Variants in LTV1 observed in about 807,000 individuals in gnomAD.
LTV1 encodes protein LTV1 homolog.
LTV1 carries 39 observed loss-of-function variants against 59.9 expected under a neutral mutation model. That is an observed-to-expected ratio of 0.65 (90% CI 0.50 to 0.85). The LOEUF (loss-of-function observed/expected upper bound fraction) is 0.85. LTV1 is among the 40% of genes least tolerant of loss of function. LTV1 has a pLI of 0.00. For synonymous variants in LTV1, 171 were observed against 189.5 expected, an observed-to-expected ratio of 0.90 and a Z score of 0.80; for missense variants, 493 against 549.1, an observed-to-expected ratio of 0.90 and a Z score of 1.02.
At chr6:143,860,357 A>ATT (rs1297069493) in intron 6 of LTV1, 69 bp from the exon 7 acceptor site, 2 of 1,434,962 alleles carry the variant, frequency 1.4e-6, no homozygotes, top group African/African-American at 2.9e-5. Context: ...ATGTAAAAAA[A>ATT]TTTTTAAGTG....
chr6:143,857,711 T>G lies in LTV1; in HGVS notation c.540-41T>G. The G allele has an allele frequency of 1.2e-6, 2 of 1,608,186 alleles. No homozygotes were observed. The highest frequency in any genetic ancestry group is 1.7e-6 in the Non-Finnish European group (2 of 1,175,486). ...GTAAAGTGGTTTTGTTCTGTTACTT[T>G]TTAAGTTGTTTTGGTAGGTAATTTA... On this transcript the variant is annotated intron_variant, in intron 5 of 10. Coordinates refer to ENST00000367576, the MANE Select transcript of LTV1 (RefSeq NM_032860.5). The surrounding 1 kb of genome is among the most constrained non-coding windows in gnomAD (Gnocchi z 5.2).
At chr6:143,843,609 C>G (rs749764152) in intron 1 of LTV1, 129 bp downstream of exon 1, 53 of 1,223,782 alleles carry the variant, frequency 4.3e-5, no homozygotes, top group Non-Finnish European at 5.8e-5. Context: ...GGCACGGTAC[C>G]CCGAAATGGG....
At position 143,850,228 on chromosome 6, in the gene LTV1, A is replaced by G; in HGVS notation, c.397+10A>G. 1 of 1,602,782 alleles carries G rather than the reference A, an allele frequency of 6.2e-7. No individual in the cohort carries two copies. The highest frequency in any genetic ancestry group is 8.5e-7 in the Non-Finnish European group (1 of 1,170,758). On this transcript the variant is annotated intron_variant, in intron 4 of 10. Coordinates refer to ENST00000367576, the MANE Select transcript of LTV1 (RefSeq NM_032860.5). ...GCAGCTCCAGTTTCAGGTATTTTTA[A>G]TTGCTTTATCTTTTCATATGGATAA... is the stretch of plus-strand genomic sequence containing the variant.
In LTV1 at chr6:143,862,110, A is replaced by G; in HGVS notation, c.930A>G (p.Val310=). The change falls in exon 8 of 11, where the codon GTA becomes GTG. Residue 310 remains valine, a synonymous_variant. Transcript: ENST00000367576. The surrounding 1 kb of genome is among the most constrained non-coding windows in gnomAD (Gnocchi z 4.2). ...TTAAAAACTCGTCTAAAAGTTGTGT[A>G]AAATTGAATACCCTTGAACCCTTGG... ...DYYKEKAENC[V]KLNTLEPLED... is the part of the protein sequence containing the mutation. 6.2e-7 allele frequency: 1 copy of G among 1,611,352 alleles called. No homozygotes were observed. Among genetic ancestry groups the G allele is most frequent in the Non-Finnish European group, 8.5e-7 (1 of 1,179,172 alleles).
chr6:143,859,409 G>GT (rs1777126908), intron 6 of LTV1, among the ~76,000 whole-genome samples: 1 of 152,168 alleles, frequency 6.6e-6, no homozygotes, highest in Non-Finnish European at 1.5e-5. Flanking sequence ...AGATTAGAAT[G>GT]TGAATTCCCC....
chr6:143,861,764 A>G (rs1320490493), intron 7 of LTV1, among the ~76,000 whole-genome samples: 1 of 148,138 alleles, frequency 6.8e-6, no homozygotes, highest in Non-Finnish European at 1.5e-5. Flanking sequence ...TAGCAGAAAA[A>G]GAAGCTATAT....
At chr6:143,848,397 A>G (rs1776928178) in intron 3 of LTV1, among the ~76,000 whole-genome samples, 1 of 152,154 alleles carries the variant, frequency 6.6e-6, no homozygotes, top group Admixed American at 6.5e-5. Context: ...GCAAAATAAC[A>G]TCTTTGCCCA....
chr6:143,844,266 A>G (rs1776851731), intron 1 of LTV1, among the ~76,000 whole-genome samples: 1 of 152,240 alleles, frequency 6.6e-6, no homozygotes, highest in Admixed American at 6.5e-5. Context: ...CTCAGTTCCC[A>G]TAACAAGGTC....
Position 143,862,324 on chromosome 6 carries a change from G to A in LTV1, c.1063+81G>A, listed in dbSNP as rs1325050260. The stretch of plus-strand genomic sequence containing the variant: ...AGGCTGGGTGCGGTGCCTCACGCCT[G>A]TAGTAATCCCAGCACTTTGGGAGGC... On this transcript the variant is annotated intron_variant, in intron 8 of 10. Coordinates refer to ENST00000367576, the MANE Select transcript of LTV1 (RefSeq NM_032860.5). The surrounding 1 kb of genome is among the most constrained non-coding windows in gnomAD (Gnocchi z 4.2). 10 of 1,292,622 alleles carry A rather than the reference G, an allele frequency of 7.7e-6. No homozygotes were observed. Among genetic ancestry groups the A allele is most frequent in the African/African-American group, 1.5e-5 (1 of 66,322 alleles). The allele number at this position is 1,292,622 out of a possible 1,614,324, so 80.1% of individuals were successfully genotyped here.
rs756277603 is a variant in LTV1, at chr6:143,857,991, A to T, written c.779A>T (p.Asp260Val). 1.4e-5 allele frequency: 22 copies of T among 1,613,890 alleles called. No homozygotes were observed. The highest frequency in any genetic ancestry group is 1.8e-5 in the Non-Finnish European group (21 of 1,180,004). ...AGAAATGAACAGCTGACCCTACATG[A>T]TGAGAGGTTTGAGAAGGTAAGGTCC... is the stretch of plus-strand genomic sequence containing the variant. Reference protein sequence around the residue: ...MRRNEQLTLHDERFEKFYEQY... With the variant: ...MRRNEQLTLHVERFEKFYEQY... Residue 260 changes from aspartate (D) to valine (V), a missense_variant, in exon 6 of 11, where the codon GAT becomes GTT. Transcript: ENST00000367576. This position sits in a 1 kb window ranked among gnomAD's most constrained non-coding sequence, Gnocchi z 5.2.
At chr6:143,849,855 T>A (rs1460896652) in intron 3 of LTV1, among the ~76,000 whole-genome samples, 2 of 152,142 alleles carry the variant, frequency 1.3e-5, no homozygotes, top group Non-Finnish European at 2.9e-5. Context: ...TTACCGGTGA[T>A]CATTCCTTGG....
chr6:143,847,438 C>T (rs1164344759), intron 3 of LTV1, among the ~76,000 whole-genome samples: 3 of 152,136 alleles, frequency 2.0e-5, no homozygotes, highest in Non-Finnish European at 2.9e-5. Flanking sequence ...CTCGGCTCAC[C>T]GCAACCTCCG....
intron 4 of LTV1, among the ~76,000 whole-genome samples, chr6:143,851,043 C>A (rs555698387): frequency 6.6e-6 from 1 of 151,742 alleles, no homozygotes; most frequent in Admixed American, 6.6e-5. Flanking sequence ...GGGGTGGGGA[C>A]CAGAGGATGT....
In LTV1 at chr6:143,849,889, C is replaced by T. The variant is rs529454866; in HGVS notation, c.310-242C>T. On this transcript the variant is annotated intron_variant, in intron 3 of 10. Transcript: ENST00000367576. ...GGAATTCCTTGCCTTATAGAGGCCTCACTCCAGTCTGCTGTCATCTGCACA... is the reference window on the plus strand; with the variant it reads ...GGAATTCCTTGCCTTATAGAGGCCTTACTCCAGTCTGCTGTCATCTGCACA... Among the ~76,000 whole-genome samples the T allele has an allele frequency of 5.9e-5, 9 of 152,270 alleles. No homozygotes were observed. The South Asian group carries it at 1.9e-3, about 32-fold the overall frequency.
At position 143,863,352 on chromosome 6, in the gene LTV1, G is replaced by T. The variant is rs1053614206; in HGVS notation, c.1318-65G>T. The T allele has an allele frequency of 6.3e-6, 10 of 1,595,176 alleles. No homozygotes were observed. The Admixed American group carries it at 1.7e-4, about 27-fold the overall frequency. The stretch of plus-strand genomic sequence containing the variant: ...GTGGAGGGGAAATTAGGGGAATTTT[G>T]TAAAAGCAGTCTGTATCAGTTTAAA... On this transcript the variant is annotated intron_variant, in intron 10 of 10. Coordinates refer to ENST00000367576, the MANE Select transcript of LTV1 (RefSeq NM_032860.5). This position sits in a 1 kb window ranked among gnomAD's most constrained non-coding sequence, Gnocchi z 4.5.
rs754514315 is a variant in LTV1, at chr6:143,844,482, G to A, written c.4-4G>A. The A allele has an allele frequency of 1.9e-6, 3 of 1,612,412 alleles. No homozygotes were observed. Among genetic ancestry groups the A allele is most frequent in the Non-Finnish European group, 2.5e-6 (3 of 1,179,486 alleles). On this transcript the variant is annotated splice_region_variant and splice_polypyrimidine_tract_variant and intron_variant, in intron 1 of 10. Coordinates refer to ENST00000367576, the MANE Select transcript of LTV1 (RefSeq NM_032860.5). ...TTAATTGTTGTGATTTTGTTCCTTT[G>A]AAGCCTCACAGGAAGAAAAAGCCCT...
intron 4 of LTV1, among the ~76,000 whole-genome samples, chr6:143,851,105 C>G (rs1776975562): frequency 6.6e-6 from 1 of 151,974 alleles, no homozygotes; most frequent in African/African-American, 2.4e-5. Flanking sequence ...ATATAGGTAA[C>G]TATACACATT....
intron 2 of LTV1, among the ~76,000 whole-genome samples, chr6:143,845,406 C>G (rs1776875426): frequency 6.6e-6 from 1 of 152,156 alleles, no homozygotes; most frequent in African/African-American, 2.4e-5. Flanking sequence ...GCGCCCAAAT[C>G]TCTGTTTCCC....
At chr6:143,844,651 G>A (rs754874519) in intron 2 of LTV1, 34 bp downstream of exon 2, 1 of 1,564,858 alleles carries the variant, frequency 6.4e-7, no homozygotes, top group Non-Finnish European at 8.6e-7. Context: ...CAGTTTGTAG[G>A]TAGACAATAG....
Sources: gnomAD v4.1 joint callset for allele counts (sites outside exome capture counted in the v4.1 genomes callset) on GRCh38, gnomAD v4.1.1 for gene constraint, Gnocchi (gnomAD v3.1) non-coding constraint, MANE v1.5 for transcripts, NCBI Gene and HGNC (gene_info 2026-07-23, HGNC 2026-07-21) for gene names.